PARD3B: variants seen among roughly 807,000 people sequenced by gnomAD.
The protein encoded by PARD3B is par-3 family cell polarity regulator beta.
Under a neutral mutation model 130.2 loss-of-function variants are expected in PARD3B, and 103 were observed. The observed-to-expected ratio is 0.79, with a 90% CI of 0.67 to 0.93. PARD3B has a LOEUF of 0.93. PARD3B is among the 40% of genes least tolerant of loss of function. PARD3B has a pLI of 0.00. For synonymous variants in PARD3B, 583 were observed against 553.2 expected (o/e 1.05, Z -0.76); for missense variants, 1,609 against 1,499.2 (o/e 1.07, Z -1.21).
chr2:204,750,623 TACATACATACAC>T (rs1185950709), intron 2 of PARD3B, among the ~76,000 whole-genome samples: 3 of 151,222 alleles, frequency 2.0e-5, no homozygotes, highest in South Asian at 4.2e-4. Flanking sequence ...CATACATACA[TACATACATACAC>T]ACACACATAC....
At chr2:204,919,423 C>T (rs954525440) in intron 2 of PARD3B, among the ~76,000 whole-genome samples, 1 of 152,200 alleles carries the variant, frequency 6.6e-6, no homozygotes, top group African/African-American at 2.4e-5. Context: ...AACCTCCCAA[C>T]AGCAACCACT....
chr2:205,046,925 C>T (rs1698827381), intron 3 of PARD3B, among the ~76,000 whole-genome samples: 2 of 152,034 alleles, frequency 1.3e-5, no homozygotes, highest in Non-Finnish European at 1.5e-5. Flanking sequence ...GATCTTTTTT[C>T]AGAATTTAAT....
intron 2 of PARD3B, among the ~76,000 whole-genome samples, chr2:204,951,199 C>T (rs555253235): frequency 1.4e-4 from 21 of 152,266 alleles, no homozygotes; most frequent in Non-Finnish European, 2.9e-4. Flanking sequence ...ATCTTGAAGT[C>T]CTTAACATTT....
At chr2:205,113,712 T>C in intron 6 of PARD3B, 135 bp downstream of exon 6, 2 of 568,646 alleles carry the variant, frequency 3.5e-6, no homozygotes, top group Non-Finnish European at 6.0e-6. Context: ...CATACTTCTG[T>C]TGGCCACTTA....
chr2:205,350,955 T>G (rs1489117018), intron 18 of PARD3B, among the ~76,000 whole-genome samples: 1 of 152,228 alleles, frequency 6.6e-6, no homozygotes, highest in South Asian at 2.1e-4. Context: ...TAAAAACTAA[T>G]TATTTTATAA....
intron 22 of PARD3B, among the ~76,000 whole-genome samples, chr2:205,614,227 T>C (rs927370085): frequency 6.6e-6 from 1 of 152,212 alleles, no homozygotes; most frequent in Non-Finnish European, 1.5e-5. Context: ...AAGATGCTTG[T>C]TTTCTTTAGT....
intron 1 of PARD3B, among the ~76,000 whole-genome samples, chr2:204,588,987 TA>T (rs113161674): frequency 4.0e-5 from 6 of 151,048 alleles, no homozygotes; most frequent in Admixed American, 2.0e-4. Flanking sequence ...GATGCCACAT[TA>T]AAAAAAAATT....
intron 2 of PARD3B, among the ~76,000 whole-genome samples, chr2:204,897,306 T>A (rs1331953430): frequency 6.6e-6 from 1 of 151,538 alleles, no homozygotes; most frequent in Non-Finnish European, 1.5e-5. Context: ...GACTAAGAGT[T>A]GGTAAAAAGT....
intron 1 of PARD3B, among the ~76,000 whole-genome samples, chr2:204,567,692 TCTA>T (rs2031756111): frequency 6.6e-6 from 1 of 152,226 alleles, no homozygotes; most frequent in Non-Finnish European, 1.5e-5. Flanking sequence ...AAGTGTCTGT[TCTA>T]CTCTCTGCTT....
chr2:205,049,902 C>A (rs1699071842), intron 4 of PARD3B, among the ~76,000 whole-genome samples: 2 of 152,000 alleles, frequency 1.3e-5, no homozygotes, highest in Admixed American at 1.3e-4. Context: ...GAGTGCAGAC[C>A]ACAGACCCAA....
At chr2:204,597,998 T>C (rs1326247270) in intron 1 of PARD3B, among the ~76,000 whole-genome samples, 2 of 152,166 alleles carry the variant, frequency 1.3e-5, no homozygotes, top group Admixed American at 1.3e-4. Flanking sequence ...TATTGTTATG[T>C]GTAAGAGCAT....
chr2:205,432,576 T>C (rs561439610), intron 19 of PARD3B, among the ~76,000 whole-genome samples: 1 of 152,318 alleles, frequency 6.6e-6, no homozygotes, highest in African/African-American at 2.4e-5. Flanking sequence ...CTGTTATCTG[T>C]ATAGTTTAAT....
In PARD3B at chr2:205,614,135, T is replaced by C. The variant is rs73062234; in HGVS notation, c.3261-1321T>C. Among the ~76,000 whole-genome samples the C allele has an allele frequency of 6.9e-3, 1,047 of 152,360 alleles. 11 individuals are homozygous for C. The highest frequency in any genetic ancestry group is 0.023 in the African/African-American group (944 of 41,586). On this transcript the variant is annotated intron_variant, in intron 22 of 22. Coordinates refer to ENST00000406610, the MANE Select transcript of PARD3B (RefSeq NM_001302769.2). ...TTAAGAGCTGCAAACAGAACTCATCTGTTTAACCCCAGGCTAGATAAAATG... is the reference window on the plus strand; with the variant it reads ...TTAAGAGCTGCAAACAGAACTCATCCGTTTAACCCCAGGCTAGATAAAATG...
intron 4 of PARD3B, among the ~76,000 whole-genome samples, chr2:205,087,174 A>T (rs758478278): frequency 4.6e-5 from 7 of 152,214 alleles, no homozygotes; most frequent in Non-Finnish European, 8.8e-5. Flanking sequence ...AAGTACATCC[A>T]AACTGAATAT....
chr2:205,555,221 G>C (rs13387590), intron 22 of PARD3B, among the ~76,000 whole-genome samples: 4 of 152,116 alleles, frequency 2.6e-5, no homozygotes, highest in Admixed American at 2.0e-4. Flanking sequence ...GTACAATTCA[G>C]AGGCACAGAA....
At chr2:204,782,484 G>A (rs1046751310) in intron 2 of PARD3B, among the ~76,000 whole-genome samples, 3 of 150,078 alleles carry the variant, frequency 2.0e-5, no homozygotes, top group Non-Finnish European at 4.4e-5. Context: ...CATATATTAT[G>A]TAATATATAG....
At chr2:205,315,359 G>A (rs1156783599) in intron 18 of PARD3B, among the ~76,000 whole-genome samples, 1 of 152,090 alleles carries the variant, frequency 6.6e-6, no homozygotes, top group African/African-American at 2.4e-5. Context: ...GATGATAAAT[G>A]TCTGGCACAT....
At position 204,664,694 on chromosome 2, in the gene PARD3B, T is replaced by C. The variant is rs2035950595; in HGVS notation, c.121-21487T>C. 6.6e-6 allele frequency among the ~76,000 whole-genome samples: 1 copy of C among 152,230 alleles called. No individual in the cohort carries two copies. Among genetic ancestry groups the C allele is most frequent in the South Asian group, 2.1e-4 (1 of 4,832 alleles). On this transcript the variant is annotated intron_variant, in intron 1 of 22. Coordinates refer to ENST00000406610, the MANE Select transcript of PARD3B (RefSeq NM_001302769.2). The surrounding 1 kb of genome is among the most constrained non-coding windows in gnomAD (Gnocchi z 5.2). ...AATAGCTTTTGAGAATTTGGACTCATTAGCAGGGCTTATTTCTTTGGCTAT... is the reference window on the plus strand; with the variant it reads ...AATAGCTTTTGAGAATTTGGACTCACTAGCAGGGCTTATTTCTTTGGCTAT...
intron 12 of PARD3B, 124 bp downstream of exon 12, chr2:205,172,505 G>A: frequency 2.1e-6 from 2 of 948,702 alleles, no homozygotes; most frequent in Non-Finnish European, 3.1e-6. Flanking sequence ...GGCTTTGATG[G>A]GAAACAGGTG....
Sources: allele counts gnomAD v4.1 joint callset (sites outside exome capture counted in the v4.1 genomes callset), GRCh38; gene constraint gnomAD v4.1.1; non-coding constraint Gnocchi (gnomAD v3.1); transcripts MANE v1.5; gene names NCBI Gene and HGNC (gene_info 2026-07-23, HGNC 2026-07-21).